Variants in ZFTA observed in about 807,000 individuals in gnomAD.
ZFTA encodes the protein zinc finger translocation associated.
ZFTA carries 35 observed loss-of-function variants against 41.8 expected under a neutral mutation model. The ratio of observed to expected loss-of-function variants is 0.84; its 90% CI spans 0.64 to 1.11. The LOEUF is 1.11. Among genes scored for constraint, ZFTA ranks in the 50% most tolerant of loss-of-function variants. The pLI, the probability that ZFTA is intolerant of heterozygous loss-of-function variation, is 0.00. For synonymous variants in ZFTA, 514 were observed against 436.4 expected, an observed-to-expected ratio of 1.18 and a Z score of -2.22; for missense variants, 964 against 989.8, an observed-to-expected ratio of 0.97 and a Z score of 0.35.
At chr11:63,766,591 G>C (rs2014750028) in intron 1 of ZFTA, among the ~76,000 whole-genome samples, 1 of 152,222 alleles carries the variant, frequency 6.6e-6, no homozygotes, top group Non-Finnish European at 1.5e-5. Context: ...GAGCCAACCA[G>C]CTCTGTAAGG....
intron 1 of ZFTA, 62 bp from the exon 2 acceptor site, chr11:63,766,366 C>T: frequency 1.4e-6 from 2 of 1,406,108 alleles, no homozygotes; most frequent in Non-Finnish European, 1.8e-6. Flanking sequence ...GAGGCGAGGG[C>T]TTTGATGGTG....
In ZFTA at chr11:63,763,378, T is replaced by TACGAC. The variant is rs2014682119; in HGVS notation, c.*39_*40insGTCGT. On this transcript the variant is annotated 3_prime_UTR_variant, in exon 5 of 5. Transcript: ENST00000433688. ...CGAGCACAGGGCGGGGCGGGGCCGA[T>TACGAC]CCGACCCGACCCGACCTGACCCGGG... 1 of 1,215,836 alleles carries TACGAC rather than the reference T, an allele frequency of 8.2e-7. No individual in the cohort carries two copies. The highest frequency in any genetic ancestry group is 1.6e-5 in the African/African-American group (1 of 60,976). 75.3% of individuals were successfully genotyped at this position (1,215,836 alleles called of 1,614,324 possible).
chr11:63,763,360 A>C lies in ZFTA; in HGVS notation c.*58T>G. 4.4e-6 allele frequency: 5 copies of C among 1,140,224 alleles called. No individual in the cohort carries two copies. The highest frequency in any genetic ancestry group is 5.4e-6 in the Non-Finnish European group (5 of 923,122). 70.6% of individuals were successfully genotyped at this position (1,140,224 alleles called of 1,614,324 possible). On this transcript the variant is annotated 3_prime_UTR_variant, in exon 5 of 5. Transcript: ENST00000433688. ...CCCAGCCGAAGGGCCGGGCGAGCAC[A>C]GGGCGGGGCGGGGCCGATCCGACCC...
chr11:63,767,656 G>A (rs2014767016), intron 1 of ZFTA: 1 of 152,284 alleles, frequency 6.6e-6, no homozygotes, highest in Admixed American at 6.5e-5. Flanking sequence ...GAGACCGGGA[G>A]GGGAGCCTGG....
At chr11:63,763,928 G>A (rs958063360) in intron 4 of ZFTA, 59 bp from the exon 5 acceptor site, 1 of 1,382,136 alleles carries the variant, frequency 7.2e-7, no homozygotes. Context: ...TGGGCCCCGC[G>A]TCTCATCTCC....
chr11:63,764,859 G>T lies in ZFTA; in HGVS notation c.1024+9C>A. The T allele has an allele frequency of 6.8e-7, 1 of 1,472,452 alleles. No individual in the cohort carries two copies. 91.2% of individuals were successfully genotyped at this position (1,472,452 alleles called of 1,614,324 possible). A position where few individuals can be genotyped will look rare whatever the true frequency, so the allele number is the denominator to read the frequency against. On this transcript the variant is annotated intron_variant, in intron 3 of 4. Transcript: ENST00000433688. ...ATGAGGGGGTCTCAGCCTGGGATGG[G>T]CCTCGCACCTGGTGGGGACTGGGTG...
In ZFTA at chr11:63,761,751, A is replaced by T. The variant is rs2014641611; in HGVS notation, c.*1667T>A. 6.6e-6 allele frequency: 1 copy of T among 152,230 alleles called. No homozygotes were observed. Among genetic ancestry groups the T allele is most frequent in the African/African-American group, 2.4e-5 (1 of 41,438 alleles). 9.4% of individuals were successfully genotyped at this position (152,230 alleles called of 1,614,324 possible). On this transcript the variant is annotated 3_prime_UTR_variant, in exon 5 of 5. Coordinates refer to ENST00000433688, the MANE Select transcript of ZFTA (RefSeq NM_001144936.2). ...CCTCAATTATATAAAAATGCTATAA[A>T]ATCCGTGGTATAAAATCCAACTCCC...
In ZFTA at chr11:63,763,781, G is replaced by T. The variant is rs927755297; in HGVS notation, c.1674C>A (p.Leu558=). 4.8e-6 allele frequency: 7 copies of T among 1,460,488 alleles called. No homozygotes were observed. Among genetic ancestry groups the T allele is most frequent in the Non-Finnish European group, 6.3e-6 (7 of 1,108,278 alleles). The allele number at this position is 1,460,488 out of a possible 1,614,324, so 90.5% of individuals were successfully genotyped here. The change falls in exon 5 of 5, where the codon CTC becomes CTA. Residue 558 remains leucine, a synonymous_variant. Transcript: ENST00000433688. ...DEEDGQEPGG[L]ALPPPPPPPP... is the part of the protein sequence containing the mutation. ...GGGGAGGAGGCGGCGGCGGCAAGGCGAGTCCCCCAGGCTCCTGGCCGTCCT... is the reference window on the plus strand; with the variant it reads ...GGGGAGGAGGCGGCGGCGGCAAGGCTAGTCCCCCAGGCTCCTGGCCGTCCT...
Position 63,764,530 on chromosome 11 carries a change from A to T in ZFTA, c.1093T>A (p.Ser365Thr). The change falls in exon 4 of 5, where the codon TCC (serine) becomes ACC (threonine). Residue 365 changes from serine (S) to threonine (T), a missense_variant. Physicochemically the swap from Ser to Thr is moderately conservative, Grantham distance 58. This residue lies in a region of ZFTA where 584 missense variants were observed against 523.1 expected (regional missense o/e 1.12). Transcript: ENST00000433688. Reference protein sequence around the residue: ...RDSASAAGAPSSQDLSPPDVK... With the variant: ...RDSASAAGAPTSQDLSPPDVK... ...TCTGGGGGGCTGAGATCCTGAGAGG[A>T]GGGGGCTCCAGCAGCGGAGGCCGAG... 1 of 1,256,296 alleles carries T rather than the reference A, an allele frequency of 8.0e-7. No homozygotes were observed. Among genetic ancestry groups the T allele is most frequent in the Non-Finnish European group, 1.0e-6 (1 of 994,972 alleles). The allele number at this position is 1,256,296 out of a possible 1,614,324, so 77.8% of individuals were successfully genotyped here.
chr11:63,765,208 GC>G lies in ZFTA; in HGVS notation c.683del (p.Gly228AlafsTer33). On this transcript the variant is annotated frameshift_variant, in exon 3 of 5. Transcript: ENST00000433688. LOFTEE classifies it high-confidence loss of function. The surrounding 1 kb of genome is among the most constrained non-coding windows in gnomAD (Gnocchi z 4.0). ...GGGCRRQRRG[G>X]PVAPRARRLR... ...GACGCCGAGCCCGGGGTGCCACTGG[GC>G]CCCCTCGCCGCTGGCGCCGGCAGCC... is the stretch of plus-strand genomic sequence containing the variant. The G allele has an allele frequency of 6.8e-7, 1 of 1,476,304 alleles. No homozygotes were observed. The highest frequency in any genetic ancestry group is 8.9e-7 in the Non-Finnish European group (1 of 1,119,796). 91.5% of individuals were successfully genotyped at this position (1,476,304 alleles called of 1,614,324 possible). A position where few individuals can be genotyped will look rare whatever the true frequency, so the allele number is the denominator to read the frequency against.
rs965384742 is a variant in ZFTA, at chr11:63,760,530, C to T, written c.*2888G>A. ...TTCAGAGTAACATTTACATATTGGC[C>T]ATAATAGCAAGCATACCATTAACAA... On this transcript the variant is annotated 3_prime_UTR_variant, in exon 5 of 5. Coordinates refer to ENST00000433688, the MANE Select transcript of ZFTA (RefSeq NM_001144936.2). The T allele has an allele frequency of 5.9e-5, 9 of 152,048 alleles. No homozygotes were observed. Among genetic ancestry groups the T allele is most frequent in the Non-Finnish European group, 1.0e-4 (7 of 68,018 alleles). The allele number at this position is 152,048 out of a possible 1,614,324, so 9.4% of individuals were successfully genotyped here. A position where few individuals can be genotyped will look rare whatever the true frequency, so the allele number is the denominator to read the frequency against.
chr11:63,764,283 G>A lies in ZFTA; in HGVS notation c.1340C>T (p.Ala447Val). ...LVCGVCGGAL[A>V]SLKMSTIERH... ...CTCGATGGTGCTCATCTTGAGCGAG[G>A]CCAGCGCGCCCCCGCACACCCCGCA... The change falls in exon 4 of 5, where the codon GCC (alanine) becomes GTC (valine). Residue 447 changes from alanine (A) to valine (V), a missense_variant. Ala to Val is a moderately conservative substitution (Grantham distance 64). Around this residue, in one of 5 missense-constraint regions of ZFTA, gnomAD observed 584 missense variants for 523.1 expected, o/e 1.12. Transcript: ENST00000433688. 1 of 1,458,356 alleles carries A rather than the reference G, an allele frequency of 6.9e-7. No individual in the cohort carries two copies. The highest frequency in any genetic ancestry group is 2.5e-5 in the Admixed American group (1 of 39,398). The allele number at this position is 1,458,356 out of a possible 1,614,324, so 90.3% of individuals were successfully genotyped here.
intron 1 of ZFTA, 100 bp from the exon 2 acceptor site, chr11:63,766,404 G>A: frequency 5.2e-6 from 7 of 1,344,292 alleles, no homozygotes; most frequent in Non-Finnish European, 6.7e-6. Flanking sequence ...CTGGGGGAGG[G>A]GGTGTTCCGG....
In ZFTA at chr11:63,765,698, AG is replaced by A; in HGVS notation, c.637+108del. On this transcript the variant is annotated intron_variant, in intron 2 of 4. Coordinates refer to ENST00000433688, the MANE Select transcript of ZFTA (RefSeq NM_001144936.2). The surrounding 1 kb of genome is among the most constrained non-coding windows in gnomAD (Gnocchi z 4.0). ...GCAATAAACAGACCCCACCCAGAGG[AG>A]GAGCAGTGCCTTGCTCAAGAACACC... 4 of 1,368,000 alleles carry A rather than the reference AG, an allele frequency of 2.9e-6. No individual in the cohort carries two copies. The highest frequency in any genetic ancestry group is 3.8e-6 in the Non-Finnish European group (4 of 1,046,500). The allele number at this position is 1,368,000 out of a possible 1,614,324, so 84.7% of individuals were successfully genotyped here.
rs936812094 is a variant in ZFTA at position 63,763,046 on chromosome 11, G to C, written c.*372C>G. On this transcript the variant is annotated 3_prime_UTR_variant, in exon 5 of 5. Transcript: ENST00000433688. ...CCCTTCGGCCCTAATACTGACTGAC[G>C]GCGCCCCCAGTCCCGGCCTGCGGAG... The C allele has an allele frequency of 6.5e-6, 1 of 153,104 alleles. No homozygotes were observed. The highest frequency in any genetic ancestry group is 6.5e-5 in the Admixed American group (1 of 15,304). The allele number at this position is 153,104 out of a possible 1,614,324, so 9.5% of individuals were successfully genotyped here.
At position 63,764,154 on chromosome 11, in the gene ZFTA, A is replaced by C. The variant is rs868715678; in HGVS notation, c.1469T>G (p.Leu490Arg). 7.4e-7 allele frequency: 1 copy of C among 1,358,760 alleles called. No homozygotes were observed. Among genetic ancestry groups the C allele is most frequent in the Middle Eastern group, 2.7e-4 (1 of 3,678 alleles). The allele number at this position is 1,358,760 out of a possible 1,614,324, so 84.2% of individuals were successfully genotyped here. A position where few individuals can be genotyped will look rare whatever the true frequency, so the allele number is the denominator to read the frequency against. Residue 490 changes from leucine (L) to arginine (R), a missense_variant, in exon 4 of 5, where the codon CTG becomes CGG. Leu to Arg is a moderately radical substitution (Grantham distance 102). This residue lies in a region of ZFTA where 584 missense variants were observed against 523.1 expected (regional missense o/e 1.12). Coordinates refer to ENST00000433688, the MANE Select transcript of ZFTA (RefSeq NM_001144936.2). ...WSEKAAHLLALGPPRPESPQG... is the reference protein window; with the variant it reads ...WSEKAAHLLARGPPRPESPQG... ...GGGGGACTCGGGGCGGGGCGGCCCC[A>C]GGGCCAGCAGGTGGGCGGCCTTCTC...
chr11:63,763,820 T>C lies in ZFTA; in HGVS notation c.1635A>G (p.Glu545=), dbSNP rs1255165658. 2.8e-6 allele frequency: 4 copies of C among 1,444,832 alleles called. No homozygotes were observed. The highest frequency in any genetic ancestry group is 3.6e-6 in the Non-Finnish European group (4 of 1,101,372). 89.5% of individuals were successfully genotyped at this position (1,444,832 alleles called of 1,614,324 possible). A position where few individuals can be genotyped will look rare whatever the true frequency, so the allele number is the denominator to read the frequency against. ...CCTGGCCGTCCTCTTCGTCCTCCTCTTCTTCGGCGGGCCGCTCCAAGGGAG... is the reference window on the plus strand; with the variant it reads ...CCTGGCCGTCCTCTTCGTCCTCCTCCTCTTCGGCGGGCCGCTCCAAGGGAG... The part of the protein sequence containing the change: ...PGAPLERPAE[E]EEDEEDGQEP... The change falls in exon 5 of 5, where the codon GAA becomes GAG. Residue 545 remains glutamate (E), a synonymous_variant. Transcript: ENST00000433688.
In ZFTA at chr11:63,763,259, C is replaced by T; in HGVS notation, c.*159G>A. On this transcript the variant is annotated 3_prime_UTR_variant, in exon 5 of 5. Coordinates refer to ENST00000433688, the MANE Select transcript of ZFTA (RefSeq NM_001144936.2). ...CCGCGCAGACGCCGGTGGCCCCACC[C>T]GATCCCCCGTCTCCGCCCGGCCCGG... 2.6e-6 allele frequency: 1 copy of T among 383,882 alleles called. No individual in the cohort carries two copies. The highest frequency in any genetic ancestry group is 3.9e-6 in the Non-Finnish European group (1 of 258,276). The allele number at this position is 383,882 out of a possible 1,614,324, so 23.8% of individuals were successfully genotyped here.
Position 63,762,674 on chromosome 11 carries a change from C to G in ZFTA, c.*744G>C, listed in dbSNP as rs953662056. 1 of 152,366 alleles carries G rather than the reference C, an allele frequency of 6.6e-6. No homozygotes were observed. The highest frequency in any genetic ancestry group is 1.5e-5 in the Non-Finnish European group (1 of 68,158). 9.4% of individuals were successfully genotyped at this position (152,366 alleles called of 1,614,324 possible). A position where few individuals can be genotyped will look rare whatever the true frequency, so the allele number is the denominator to read the frequency against. ...AAAAGTGCTAATCCCTTTACAAGAG[C>G]TTTCCTGGAGGGCGTGGCAGCGGCC... On this transcript the variant is annotated 3_prime_UTR_variant, in exon 5 of 5. Coordinates refer to ENST00000433688, the MANE Select transcript of ZFTA (RefSeq NM_001144936.2).
Sources: gnomAD v4.1 joint callset for allele counts (sites outside exome capture counted in the v4.1 genomes callset) on GRCh38, gnomAD v4.1.1 for gene constraint, gnomAD v4.1.1 regional missense constraint, Gnocchi (gnomAD v3.1) non-coding constraint, MANE v1.5 for transcripts, NCBI Gene and HGNC (gene_info 2026-07-23, HGNC 2026-07-21) for gene names.